The following NAV3 variants were observed in gnomAD, a reference collection of about 807,000 sequenced individuals.
NAV3 encodes the protein neuron navigator 3.
A neutral mutation model predicts 244.7 loss-of-function variants in NAV3; 87 were observed. The ratio of observed to expected loss-of-function variants is 0.36; its 90% CI spans 0.30 to 0.42. The LOEUF (loss-of-function observed/expected upper bound fraction) is 0.42. NAV3 is among the 20% of genes least tolerant of loss of function. The probability of loss-of-function intolerance (pLI) is 1.00; values close to 1 mark genes in which losing one functional copy is unlikely to be tolerated. For missense variants in NAV3, 2,663 were observed against 2,893.3 expected, an observed-to-expected ratio of 0.92 and a Z score of 1.83; for synonymous variants, 1,126 against 1,042.2, an observed-to-expected ratio of 1.08 and a Z score of -1.55.
At chr12:77,891,265 A>G (rs965394450) in intron 1 of NAV3, among the ~76,000 whole-genome samples, 1 of 149,134 alleles carries the variant, frequency 6.7e-6, no homozygotes, top group Non-Finnish European at 1.5e-5. Context: ...ATTTATAAAG[A>G]TAAATTTATA....
chr12:77,981,899 C>T (rs184834497), intron 5 of NAV3, among the ~76,000 whole-genome samples: 68 of 152,060 alleles, frequency 4.5e-4, no homozygotes, highest in African/African-American at 1.3e-3. Flanking sequence ...TCACTATATA[C>T]GGATTCTGAA....
chr12:78,133,530 G>A (rs1215461549), intron 18 of NAV3, among the ~76,000 whole-genome samples: 3 of 151,522 alleles, frequency 2.0e-5, no homozygotes, highest in Non-Finnish European at 2.9e-5. Flanking sequence ...AAAAGTTGCA[G>A]TATTCATGTT....
rs191578701 is a variant in NAV3 at position 77,872,175 on chromosome 12, A to G, written c.243+40471A>G. On this transcript the variant is annotated intron_variant, in intron 1 of 39. Coordinates refer to ENST00000397909, the MANE Select transcript of NAV3 (RefSeq NM_001024383.2). ...TAAATTTGTTTAAGTTCTTTGTAAC[A>G]AATTTACTTGAAATTTTCTTAAATT... 1.4e-3 allele frequency among the ~76,000 whole-genome samples: 214 copies of G among 152,126 alleles called. 2 individuals carry two copies. The highest frequency in any genetic ancestry group is 5.0e-3 in the African/African-American group (208 of 41,496).
At chr12:77,890,492 T>A (rs1883803779) in intron 1 of NAV3, among the ~76,000 whole-genome samples, 1 of 152,184 alleles carries the variant, frequency 6.6e-6, no homozygotes. Context: ...TAATTGTAAA[T>A]GAATTATGAA....
chr12:77,844,313 T>G (rs929635909), intron 1 of NAV3, among the ~76,000 whole-genome samples: 2 of 152,180 alleles, frequency 1.3e-5, no homozygotes, highest in African/African-American at 4.8e-5. Flanking sequence ...TTTCAAGCCC[T>G]TTTATAGGGG....
chr12:77,688,513 T>C lies in NAV3; in HGVS notation c.72+116247T>C, dbSNP rs1206222627. Among the ~76,000 whole-genome samples the C allele has an allele frequency of 2.0e-5, 3 of 152,128 alleles. No homozygotes were observed. The East Asian group carries it at 5.8e-4, about 29-fold the overall frequency. On this transcript the variant is annotated intron_variant, in intron 2 of 8. Transcript: ENST00000550042. ...GGACAAAATAATAGTAGGTGCACAA[T>C]GAATATTTGTTCAACTGATTTTGGT... is the stretch of plus-strand genomic sequence containing the variant.
At chr12:77,940,203 T>C in intron 1 of NAV3, 116 bp from the exon 2 acceptor site, 1 of 739,714 alleles carries the variant, frequency 1.4e-6, no homozygotes, top group Non-Finnish European at 2.3e-6. Context: ...TATGACTTCT[T>C]AAACTGGAAT....
chr12:77,631,484 A>G (rs1420214629), intron 2 of NAV3, among the ~76,000 whole-genome samples: 1 of 150,692 alleles, frequency 6.6e-6, no homozygotes, highest in African/African-American at 2.5e-5. Flanking sequence ...AAAAAAAAAA[A>G]GCTTAGATCT....
intron 2 of NAV3, among the ~76,000 whole-genome samples, chr12:77,638,106 A>G (rs1872237096): frequency 6.7e-6 from 1 of 149,056 alleles, no homozygotes; most frequent in Non-Finnish European, 1.5e-5. Flanking sequence ...TTGATCATTA[A>G]TTGAGAAACA....
rs1883936709 is a variant in NAV3, at chr12:78,059,112, A to T, written c.2633A>T (p.Asp878Val). 6.2e-7 allele frequency: 1 copy of T among 1,610,820 alleles called. No individual in the cohort carries two copies. The highest frequency in any genetic ancestry group is 1.3e-5 in the African/African-American group (1 of 74,908). Reference protein sequence around the residue: ...RGVHDVTVDADSWDDSSSVSS... With the variant: ...RGVHDVTVDAVSWDDSSSVSS... ...GTTCACGATGTGACAGTGGATGCAG[A>T]CAGGTAATGCTATCAGCATATATGA... Residue 878 changes from aspartate (D) to valine (V), a missense_variant, in exon 12 of 40, where the codon GAC (aspartate) becomes GTC (valine). This residue lies in a region of NAV3 where 1,521 missense variants were observed against 1,497.0 expected (regional missense o/e 1.02). Transcript: ENST00000397909.
chr12:77,735,514 G>A (rs527281445), intron 2 of NAV3, among the ~76,000 whole-genome samples: 18 of 152,206 alleles, frequency 1.2e-4, no homozygotes, highest in Admixed American at 1.1e-3. Flanking sequence ...GTTACTCCCT[G>A]ACAGGAGCAC....
intron 2 of NAV3, among the ~76,000 whole-genome samples, chr12:77,622,406 G>T (rs891284978): frequency 3.3e-5 from 5 of 151,726 alleles, no homozygotes; most frequent in African/African-American, 1.2e-4. Context: ...TGATCTGCCC[G>T]CCTCAGCCTT....
chr12:78,142,723 ATGTGTGTGTGTGTG>A lies in NAV3; in HGVS notation c.4683+2391_4683+2404del, dbSNP rs34539948. Among the ~76,000 whole-genome samples the A allele has an allele frequency of 4.0e-3, 421 of 105,888 alleles. 22 individuals carry two copies. Among genetic ancestry groups the A allele is most frequent in the Admixed American group, 0.014 (120 of 8,544 alleles). 69.5% of individuals were successfully genotyped at this position (105,888 alleles called of 152,430 possible). On this transcript the variant is annotated intron_variant, in intron 20 of 39. Transcript: ENST00000397909. Reference sequence around the variant, plus strand: ...TGTATGTGTATATATATACATATATATGTGTGTGTGTGTGTATATATATATTTATAGGCCAATAT... The same window carrying A: ...TGTATGTGTATATATATACATATATATATATATATATTTATAGGCCAATAT...
At chr12:77,955,893 A>G (rs1360698788) in intron 3 of NAV3, among the ~76,000 whole-genome samples, 2 of 152,044 alleles carry the variant, frequency 1.3e-5, no homozygotes, top group African/African-American at 4.8e-5. Context: ...GAAAAGAAAG[A>G]AAAAAGAAAT....
intron 1 of NAV3, among the ~76,000 whole-genome samples, chr12:77,921,908 G>A (rs1189734987): frequency 1.3e-5 from 2 of 152,090 alleles, no homozygotes; most frequent in Non-Finnish European, 2.9e-5. Context: ...TGTTTCACGT[G>A]TAATATAACA....
chr12:77,601,855 T>A (rs562254492), intron 2 of NAV3, among the ~76,000 whole-genome samples: 23 of 152,076 alleles, frequency 1.5e-4, no homozygotes, highest in Admixed American at 6.6e-4. Flanking sequence ...AGAAATGGAT[T>A]TGAGAGCTTT....
At chr12:78,185,124 G>GTAGT (rs1958657573) in intron 30 of NAV3, among the ~76,000 whole-genome samples, 1 of 151,730 alleles carries the variant, frequency 6.6e-6, no homozygotes, top group Non-Finnish European at 1.5e-5. Flanking sequence ...GATAAGGTGA[G>GTAGT]TAGTTATATA....
chr12:78,197,321 A>G lies in NAV3; in HGVS notation c.6366A>G (p.Val2122=), dbSNP rs1959190862. The change falls in exon 35 of 40, where the codon GTA becomes GTG. Residue 2122 remains valine (V), a synonymous_variant. Coordinates refer to ENST00000397909, the MANE Select transcript of NAV3 (RefSeq NM_001024383.2). ...ATAATGGAGTGGAGCTCCCAGTTGT[A>G]ATAATTCTTGATAATCTTCATCATG... ...ADNNGVELPV[V]IILDNLHHVG... The G allele has an allele frequency of 3.1e-6, 5 of 1,609,358 alleles. No individual in the cohort carries two copies. The highest frequency in any genetic ancestry group is 4.2e-6 in the Non-Finnish European group (5 of 1,177,178).
At chr12:78,077,762 A>AC (rs1444222353) in intron 12 of NAV3, among the ~76,000 whole-genome samples, 4 of 152,156 alleles carry the variant, frequency 2.6e-5, no homozygotes, top group Non-Finnish European at 5.9e-5. Flanking sequence ...ACATGGTGAA[A>AC]CCCCGTCTCT....
Sources: gnomAD v4.1 joint callset for allele counts (sites outside exome capture counted in the v4.1 genomes callset) on GRCh38, gnomAD v4.1.1 for gene constraint, gnomAD v4.1.1 regional missense constraint, MANE v1.5 for transcripts, NCBI Gene and HGNC (gene_info 2026-07-23, HGNC 2026-07-21) for gene names.